FGF12: variants seen among roughly 807,000 people sequenced by gnomAD.
FGF12 encodes the protein fibroblast growth factor 12B.
In FGF12, 14 loss-of-function variants were observed where a neutral mutation model predicts 23.6. The ratio of observed to expected loss-of-function variants is 0.59; its 90% CI spans 0.39 to 0.93. FGF12 has a LOEUF of 0.93. FGF12 is among the 40% of genes least tolerant of loss of function. The probability of loss-of-function intolerance (pLI) is 0.00; values close to 1 mark genes in which losing one functional copy is unlikely to be tolerated. For missense variants in FGF12, 175 were observed against 217.8 expected (o/e 0.80, Z 1.24); for synonymous variants, 62 against 77.3 (o/e 0.80, Z 1.04).
intron 2 of FGF12, among the ~76,000 whole-genome samples, chr3:192,488,760 A>G (rs1252400666): frequency 6.6e-6 from 1 of 152,104 alleles, no homozygotes; most frequent in Non-Finnish European, 1.5e-5. Context: ...AGACTTGTTT[A>G]AAACAAAAAG....
chr3:192,598,238 C>A (rs763491839), intron 2 of FGF12, among the ~76,000 whole-genome samples: 1 of 152,144 alleles, frequency 6.6e-6, no homozygotes, highest in African/African-American at 2.4e-5. Context: ...CAAATGCCCA[C>A]GCCACCAGTG....
intron 2 of FGF12, chr3:192,515,596 T>G (rs1724643756): frequency 6.6e-6 from 1 of 152,496 alleles, no homozygotes; most frequent in African/African-American, 2.4e-5. Context: ...GCGTGCTTGT[T>G]TGTCCCCGTG....
intron 2 of FGF12, among the ~76,000 whole-genome samples, chr3:192,375,917 T>C (rs1719472438): frequency 6.6e-6 from 1 of 152,226 alleles, no homozygotes; most frequent in African/African-American, 2.4e-5. Flanking sequence ...AGTTAATCTG[T>C]CTTTTCTCTC....
chr3:192,542,172 C>T (rs1156792052), intron 2 of FGF12, among the ~76,000 whole-genome samples: 1 of 110,570 alleles, frequency 9.0e-6, no homozygotes, highest in Non-Finnish European at 2.1e-5. Flanking sequence ...CATGCCTGGC[C>T]CATTCTTTTT....
At chr3:192,579,616 T>C (rs1713050222) in intron 2 of FGF12, among the ~76,000 whole-genome samples, 1 of 152,186 alleles carries the variant, frequency 6.6e-6, no homozygotes, top group South Asian at 2.1e-4. Context: ...TGCAGTGGCA[T>C]GATCTTGGCT....
rs1180133819 is a variant in FGF12, at chr3:192,141,657, TGGA to T, written c.*2349_*2351del. 6.6e-6 allele frequency: 1 copy of T among 151,992 alleles called. No individual in the cohort carries two copies. The highest frequency in any genetic ancestry group is 2.4e-5 in the African/African-American group (1 of 41,430). 9.4% of individuals were successfully genotyped at this position (151,992 alleles called of 1,614,324 possible). On this transcript the variant is annotated 3_prime_UTR_variant, in exon 6 of 6. Transcript: ENST00000445105. ...ATAAATGATGAATAGCCACTGAAAA[TGGA>T]GGAATTTTGTTAGTGATTCATATCT...
At chr3:192,680,220 G>C (rs556456027) in intron 2 of FGF12, among the ~76,000 whole-genome samples, 1 of 152,296 alleles carries the variant, frequency 6.6e-6, no homozygotes. Flanking sequence ...GGACACCACT[G>C]TTCCAAACCT....
chr3:192,158,366 CTTTCTTTCTTTCTTTCT>C lies in FGF12; in HGVS notation c.427+12075_427+12091del, dbSNP rs1560171392. 3.5e-3 allele frequency among the ~76,000 whole-genome samples: 344 copies of C among 97,700 alleles called. 3 individuals carry two copies. Among genetic ancestry groups the C allele is most frequent in the Middle Eastern group, 0.01 (2 of 200 alleles). The allele number at this position is 97,700 out of a possible 152,430, so 64.1% of individuals were successfully genotyped here. On this transcript the variant is annotated intron_variant, in intron 5 of 5. Coordinates refer to ENST00000445105, the MANE Select transcript of FGF12 (RefSeq NM_004113.6). ...TCTTTCTTTCTTTCTTTCTTTCTTT[CTTTCTTTCTTTCTTTCT>C]TTTCTTTCTCTCTCTTTCTTTTTCT...
intron 4 of FGF12, among the ~76,000 whole-genome samples, chr3:192,326,728 T>A (rs1032301382): frequency 6.6e-6 from 1 of 152,222 alleles, no homozygotes; most frequent in Non-Finnish European, 1.5e-5. Context: ...TTATATTATG[T>A]TGGAACACTG....
At chr3:192,666,668 T>C (rs1425050511) in intron 2 of FGF12, among the ~76,000 whole-genome samples, 3 of 152,300 alleles carry the variant, frequency 2.0e-5, no homozygotes, top group Middle Eastern at 3.4e-3. Context: ...TTTGTTTATG[T>C]CTGAGGAAAC....
chr3:192,237,486 T>C (rs926769683), intron 4 of FGF12, among the ~76,000 whole-genome samples: 1 of 152,220 alleles, frequency 6.6e-6, no homozygotes, highest in Non-Finnish European at 1.5e-5. Context: ...GTTACAGGTT[T>C]GGTCTCCTTA....
At chr3:192,618,160 T>C (rs1347289792) in intron 2 of FGF12, among the ~76,000 whole-genome samples, 1 of 152,022 alleles carries the variant, frequency 6.6e-6, no homozygotes, top group Non-Finnish European at 1.5e-5. Flanking sequence ...CCAAGGTCCT[T>C]TCTTATTGTA....
chr3:192,146,120 T>A (rs1219327430), intron 5 of FGF12, among the ~76,000 whole-genome samples: 22 of 152,160 alleles, frequency 1.4e-4, no homozygotes, highest in Admixed American at 1.4e-3. Flanking sequence ...AACTTACACA[T>A]CTGCAGGTCA....
chr3:192,614,928 G>T (rs1714691694), intron 2 of FGF12, among the ~76,000 whole-genome samples: 1 of 151,716 alleles, frequency 6.6e-6, no homozygotes. Context: ...TGTTTACAGG[G>T]GTTTTTTTCT....
chr3:192,625,271 C>A (rs1274330282), intron 2 of FGF12, among the ~76,000 whole-genome samples: 1 of 151,954 alleles, frequency 6.6e-6, no homozygotes, highest in African/African-American at 2.4e-5. Flanking sequence ...AATATTATAC[C>A]AATTCTCATA....
At chr3:192,167,772 A>ATATATATATTT (rs1715302128) in intron 5 of FGF12, among the ~76,000 whole-genome samples, 2 of 15,396 alleles carry the variant, frequency 1.3e-4, no homozygotes, top group Admixed American at 1.2e-3. Flanking sequence ...TATATATAAA[A>ATATATATATTT]TTTTTTTTTT....
At chr3:192,501,914 G>C (rs1279018943) in intron 2 of FGF12, among the ~76,000 whole-genome samples, 2 of 152,282 alleles carry the variant, frequency 1.3e-5, no homozygotes, top group East Asian at 3.9e-4. Context: ...TCTTAGTAAT[G>C]CTAGTTGAAG....
chr3:192,350,663 G>A (rs1718178540), intron 3 of FGF12, among the ~76,000 whole-genome samples: 2 of 152,268 alleles, frequency 1.3e-5, no homozygotes, highest in South Asian at 4.1e-4. Context: ...AACATGGTTG[G>A]TGTGTTTGAG....
intron 2 of FGF12, among the ~76,000 whole-genome samples, chr3:192,630,079 C>T (rs1429129554): frequency 2.0e-5 from 3 of 152,028 alleles, no homozygotes; most frequent in African/African-American, 4.8e-5. Flanking sequence ...GTGCTGTCCT[C>T]GTGATAGTGA....
Sources: allele counts gnomAD v4.1 joint callset (sites outside exome capture counted in the v4.1 genomes callset), GRCh38; gene constraint gnomAD v4.1.1; transcripts MANE v1.5; gene names NCBI Gene and HGNC (gene_info 2026-07-23, HGNC 2026-07-21).